The following PTBP3 variants were observed in gnomAD, a reference collection of about 807,000 sequenced individuals.
PTBP3 encodes the protein polypyrimidine tract-binding protein 3.
In PTBP3, 20 loss-of-function variants were observed where a neutral mutation model predicts 58.7. That is an observed-to-expected ratio of 0.34 (90% confidence interval 0.24 to 0.50). The LOEUF (loss-of-function observed/expected upper bound fraction) is 0.50, where lower values mean the gene tolerates loss of function less well. PTBP3 is among the 20% of genes least tolerant of loss of function. PTBP3 has a pLI of 0.98. For synonymous variants in PTBP3, 185 were observed against 219.8 expected (o/e 0.84, Z 1.40); for missense variants, 509 against 637.2 (o/e 0.80, Z 2.17).
At chr9:112,327,745 C>T (rs1384789009) in intron 1 of PTBP3, among the ~76,000 whole-genome samples, 1 of 151,342 alleles carries the variant, frequency 6.6e-6, no homozygotes, top group African/African-American at 2.4e-5. Flanking sequence ...CAAGAAAATT[C>T]CAATTTAAAA....
chr9:112,298,041 C>G (rs139117730), intron 1 of PTBP3, 125 bp from the exon 2 acceptor site: 81 of 704,340 alleles, frequency 1.2e-4, no homozygotes, highest in Non-Finnish European at 1.7e-4. Flanking sequence ...GGGGGAACTC[C>G]TCAAGAATCA....
At chr9:112,357,867 A>G in the PTBP3 span, among the ~76,000 whole-genome samples, 1 of 152,130 alleles carries the variant, frequency 6.6e-6, no homozygotes, top group Non-Finnish European at 1.5e-5. Flanking sequence ...ATTTCCAGAG[A>G]CATTTTTGGT....
At chr9:112,274,725 G>T (rs1283138084) in intron 3 of PTBP3, among the ~76,000 whole-genome samples, 1 of 152,054 alleles carries the variant, frequency 6.6e-6, no homozygotes, top group Non-Finnish European at 1.5e-5. Context: ...CATTATTTTG[G>T]ACTAGCCTCC....
the PTBP3 span, among the ~76,000 whole-genome samples, chr9:112,343,365 C>A: frequency 6.6e-6 from 1 of 152,036 alleles, no homozygotes; most frequent in African/African-American, 2.4e-5. Context: ...CCTGCCACCA[C>A]ACCCGGCTAA....
intron 1 of PTBP3, among the ~76,000 whole-genome samples, chr9:112,312,491 T>A (rs1282944898): frequency 6.8e-6 from 1 of 146,766 alleles, no homozygotes; most frequent in Non-Finnish European, 1.5e-5. Flanking sequence ...TTTTTTTGTT[T>A]TTTTTTTTTA....
At chr9:112,286,243 C>T (rs1229890207) in intron 2 of PTBP3, among the ~76,000 whole-genome samples, 2 of 152,110 alleles carry the variant, frequency 1.3e-5, no homozygotes, top group East Asian at 3.8e-4. Flanking sequence ...CTCAGTCTTC[C>T]TTTTATCTAA....
chr9:112,334,026 A>G (rs7024744), upstream of PTBP3, among the ~76,000 whole-genome samples: 2 of 151,452 alleles, frequency 1.3e-5, no homozygotes, highest in Non-Finnish European at 3.0e-5. Context: ...AGGAAAAGCT[A>G]TGGGGACCTG....
chr9:112,329,952 T>G (rs2132487373), intron 1 of PTBP3, among the ~76,000 whole-genome samples: 1 of 151,376 alleles, frequency 6.6e-6, no homozygotes, highest in Admixed American at 6.6e-5. Context: ...CTCAGGTGAT[T>G]CTCCCACCTC....
At chr9:112,372,071 T>G in the PTBP3 span, among the ~76,000 whole-genome samples, 20 of 152,042 alleles carry the variant, frequency 1.3e-4, no homozygotes, top group African/African-American at 4.1e-4. Flanking sequence ...TTTTCTTCCA[T>G]AGATTCTTTT....
In PTBP3 at chr9:112,221,035, A is replaced by G; in HGVS notation, c.*2816T>C. 2 of 979,174 alleles carry G rather than the reference A, an allele frequency of 2.0e-6. No homozygotes were observed. The highest frequency in any genetic ancestry group is 2.4e-6 in the Non-Finnish European group (2 of 824,276). The allele number at this position is 979,174 out of a possible 1,614,324, so 60.7% of individuals were successfully genotyped here. ...TTTTACAAAAACTATGCCAACACAA[A>G]TACTGTAGACCTCTATAATTCAAAC... On this transcript the variant is annotated 3_prime_UTR_variant, in exon 14 of 14. Coordinates refer to ENST00000374257, the MANE Select transcript of PTBP3 (RefSeq NM_001163788.4).
chr9:112,298,478 T>C (rs1188349619), intron 1 of PTBP3: 9 of 463,792 alleles, frequency 1.9e-5, no homozygotes, highest in African/African-American at 1.0e-4. Flanking sequence ...CTTCCAAATC[T>C]GAACTGGCAA....
chr9:112,251,641 T>C (rs572267046), intron 6 of PTBP3, among the ~76,000 whole-genome samples: 32 of 152,140 alleles, frequency 2.1e-4, no homozygotes, highest in Non-Finnish European at 3.7e-4. Flanking sequence ...AATAATAAAC[T>C]GAGGAAAATG....
the PTBP3 span, among the ~76,000 whole-genome samples, chr9:112,338,986 T>C: frequency 4.6e-5 from 7 of 151,842 alleles, no homozygotes; most frequent in Non-Finnish European, 7.4e-5. Flanking sequence ...AAAAGGGGAG[T>C]ATTCCTCTCC....
At chr9:112,303,593 C>T (rs1037946446) in intron 1 of PTBP3, among the ~76,000 whole-genome samples, 2 of 152,122 alleles carry the variant, frequency 1.3e-5, no homozygotes, top group African/African-American at 2.4e-5. Context: ...AGGCTGGGCG[C>T]GGTGGCTCAC....
chr9:112,311,666 T>C (rs1829482317), intron 1 of PTBP3, among the ~76,000 whole-genome samples: 1 of 152,158 alleles, frequency 6.6e-6, no homozygotes, highest in Non-Finnish European at 1.5e-5. Flanking sequence ...ACAGATTTGC[T>C]AGCCAGGCAC....
chr9:112,330,392 T>C lies in PTBP3; in HGVS notation c.-52+3078A>G, dbSNP rs373419309. 3.5e-5 allele frequency: 48 copies of C among 1,352,800 alleles called. 1 individual carries two copies. The highest frequency in any genetic ancestry group is 5.0e-5 in the Non-Finnish European group (48 of 965,936). The allele number at this position is 1,352,800 out of a possible 1,614,324, so 83.8% of individuals were successfully genotyped here. A position where few individuals can be genotyped will look rare whatever the true frequency, so the allele number is the denominator to read the frequency against. On this transcript the variant is annotated intron_variant, in intron 1 of 13. Transcript: ENST00000374257. ...TTATGAACAGGTGAGACTGAAAATATGCCAAAAGATATAAAAATGCATATG... is the reference window on the plus strand; with the variant it reads ...TTATGAACAGGTGAGACTGAAAATACGCCAAAAGATATAAAAATGCATATG...
At chr9:112,234,560 C>A (rs1031200004) in intron 8 of PTBP3, among the ~76,000 whole-genome samples, 1 of 152,020 alleles carries the variant, frequency 6.6e-6, no homozygotes, top group African/African-American at 2.4e-5. Flanking sequence ...TGTAGTTAGC[C>A]TATAGTTATT....
At chr9:112,238,875 T>C (rs921288622) in intron 7 of PTBP3, among the ~76,000 whole-genome samples, 5 of 152,160 alleles carry the variant, frequency 3.3e-5, no homozygotes, top group African/African-American at 4.8e-5. Context: ...ACTTCAAATA[T>C]GTTACCACAG....
rs73539772 is a variant in PTBP3 at position 112,292,925 on chromosome 9, G to A, written c.34+4907C>T. Among the ~76,000 whole-genome samples the A allele has an allele frequency of 8.7e-3, 1,318 of 152,160 alleles. 20 individuals are homozygous for A. Among genetic ancestry groups the A allele is most frequent in the African/African-American group, 0.03 (1,252 of 41,512 alleles). On this transcript the variant is annotated intron_variant, in intron 2 of 13. Coordinates refer to ENST00000374257, the MANE Select transcript of PTBP3 (RefSeq NM_001163788.4). ...TTTTGTATTTTTGACCAAAATGAGA[G>A]ATAGAGGGCACACAAGCAAACACGG...
Sources: allele counts gnomAD v4.1 joint callset (sites outside exome capture counted in the v4.1 genomes callset), GRCh38; gene constraint gnomAD v4.1.1; transcripts MANE v1.5; gene names NCBI Gene and HGNC (gene_info 2026-07-23, HGNC 2026-07-21).